Variants in MAGI1 observed in about 807,000 individuals in gnomAD.
The protein encoded by MAGI1 is membrane associated guanylate kinase, WW and PDZ domain containing 1, also known as membrane-associated guanylate kinase, WW and PDZ domain-containing protein 1.
A neutral mutation model predicts 139.9 loss-of-function variants in MAGI1; 58 were observed. The ratio of observed to expected loss-of-function variants is 0.41; its 90% CI spans 0.34 to 0.52. The LOEUF (loss-of-function observed/expected upper bound fraction) is 0.52. Among genes scored for constraint, MAGI1 ranks in the 20% least tolerant of loss-of-function variants. The probability of loss-of-function intolerance (pLI) is 0.12; values close to 1 mark genes in which losing one functional copy is unlikely to be tolerated. For synonymous variants in MAGI1, 812 were observed against 737.9 expected (o/e 1.10, Z -1.63); for missense variants, 1,874 against 1,901.6 (o/e 0.99, Z 0.27).
At chr3:65,612,447 T>C (rs1281999094) in intron 2 of MAGI1, among the ~76,000 whole-genome samples, 1 of 152,294 alleles carries the variant, frequency 6.6e-6, no homozygotes, top group African/African-American at 2.4e-5. Flanking sequence ...TACCCCTAAA[T>C]ACATTAGCAT....
At chr3:65,753,212 G>A (rs1012906260) in intron 1 of MAGI1, among the ~76,000 whole-genome samples, 2 of 152,102 alleles carry the variant, frequency 1.3e-5, no homozygotes, top group African/African-American at 4.8e-5. Context: ...CCACAGGGAT[G>A]CATTGCAAAT....
intron 1 of MAGI1, among the ~76,000 whole-genome samples, chr3:65,753,489 G>A (rs147616715): frequency 0.023 from 3,437 of 152,204 alleles, 144 homozygotes; most frequent in African/African-American, 0.079. Flanking sequence ...GGGAGGCCGA[G>A]GCGGGAGGAT....
chr3:65,917,465 G>T (rs1340120773), intron 1 of MAGI1, among the ~76,000 whole-genome samples: 4 of 152,142 alleles, frequency 2.6e-5, no homozygotes, highest in African/African-American at 9.7e-5. Flanking sequence ...TTCAGCAAAG[G>T]AGTTGAAAAC....
At chr3:65,554,700 C>T (rs568761111) in intron 2 of MAGI1, among the ~76,000 whole-genome samples, 16 of 152,228 alleles carry the variant, frequency 1.1e-4, no homozygotes, top group Admixed American at 2.0e-4. Context: ...AAAGGTCCCA[C>T]TTCCTTCATG....
chr3:65,749,350 C>A (rs1268801482), intron 1 of MAGI1, among the ~76,000 whole-genome samples: 1 of 152,146 alleles, frequency 6.6e-6, no homozygotes, highest in African/African-American at 2.4e-5. Context: ...TGACCAAAAT[C>A]AGTTGCAAAA....
chr3:65,442,679 T>G, intron 8 of MAGI1, 113 bp downstream of exon 8: 1 of 667,122 alleles, frequency 1.5e-6, no homozygotes, highest in Admixed American at 2.5e-5. Context: ...CATCATAAAA[T>G]TAATATTGTT....
At chr3:65,393,541 T>C (rs1027452035) in intron 13 of MAGI1, among the ~76,000 whole-genome samples, 15 of 152,222 alleles carry the variant, frequency 9.9e-5, no homozygotes, top group African/African-American at 3.6e-4. Context: ...CTTCCTATTT[T>C]TTTACATTTT....
In MAGI1 at chr3:65,867,774, G is replaced by T. The variant is rs186234188; in HGVS notation, c.313+170222C>A. Among the ~76,000 whole-genome samples the T allele has an allele frequency of 7.1e-4, 108 of 152,116 alleles. No homozygotes were observed. The Middle Eastern group carries it at 0.01, about 14-fold the overall frequency. On this transcript the variant is annotated intron_variant, in intron 1 of 22. Transcript: ENST00000402939. ...AATCAAAAAAGGGGTGGGAGTGGGG[G>T]TATGAGTGGGCTGTACAACAAGCAC...
intron 1 of MAGI1, among the ~76,000 whole-genome samples, chr3:65,671,847 T>G (rs73129816): frequency 0.012 from 1,774 of 152,172 alleles, 21 homozygotes; most frequent in South Asian, 0.02. Flanking sequence ...AGAGAGGGTG[T>G]AATGACCAAA....
At chr3:65,715,807 A>G (rs917041709) in intron 1 of MAGI1, among the ~76,000 whole-genome samples, 45 of 152,230 alleles carry the variant, frequency 3.0e-4, no homozygotes, top group African/African-American at 9.9e-4. Context: ...ATAACCAAAA[A>G]TTTGTGCTGC....
At chr3:65,553,368 C>T (rs2079939779) in intron 2 of MAGI1, among the ~76,000 whole-genome samples, 1 of 151,838 alleles carries the variant, frequency 6.6e-6, no homozygotes, top group Non-Finnish European at 1.5e-5. Context: ...TAAGTGTAAA[C>T]AGTATTGCCC....
chr3:65,493,474 G>A (rs1410541374), intron 3 of MAGI1, 38 bp downstream of exon 3: 1 of 1,613,788 alleles, frequency 6.2e-7, no homozygotes, highest in Admixed American at 1.7e-5. Context: ...CAAGTACCCA[G>A]GAGAGAAGCT....
chr3:65,935,888 G>A (rs2063027651), intron 1 of MAGI1, among the ~76,000 whole-genome samples: 1 of 152,226 alleles, frequency 6.6e-6, no homozygotes, highest in South Asian at 2.1e-4. Flanking sequence ...ACCAAGGCCA[G>A]AGACATGTGA....
chr3:65,359,266 C>T (rs1164109426), intron 22 of MAGI1: 1 of 1,525,592 alleles, frequency 6.6e-7, no homozygotes, highest in Admixed American at 2.1e-5. Context: ...AAAAAATCTA[C>T]ATTTGTTAAC....
intron 12 of MAGI1, among the ~76,000 whole-genome samples, chr3:65,415,992 T>C (rs1209841961): frequency 6.6e-6 from 1 of 152,230 alleles, no homozygotes. Context: ...TGCAATCATC[T>C]GCCATTTTGG....
intron 4 of MAGI1, among the ~76,000 whole-genome samples, 160 bp from the exon 5 acceptor site, chr3:65,470,644 A>G (rs1950504917): frequency 6.6e-6 from 1 of 152,140 alleles, no homozygotes; most frequent in South Asian, 2.1e-4. Flanking sequence ...TATTACTTCG[A>G]TTTCATTTAG....
chr3:65,822,883 A>G (rs1376218869), intron 1 of MAGI1, among the ~76,000 whole-genome samples: 3 of 151,982 alleles, frequency 2.0e-5, no homozygotes, highest in Non-Finnish European at 4.4e-5. Flanking sequence ...TGATCCAATC[A>G]CTCCCACAAG....
At chr3:65,908,304 AT>A (rs879566234) in intron 1 of MAGI1, among the ~76,000 whole-genome samples, 147 of 146,364 alleles carry the variant, frequency 1.0e-3, no homozygotes, top group East Asian at 1.2e-3. Flanking sequence ...ATAATCCTTA[AT>A]TTTTTTTTTT....
chr3:66,037,911 G>T, intron 1 of MAGI1, 85 bp downstream of exon 1: 4 of 1,508,722 alleles, frequency 2.7e-6, no homozygotes, highest in Non-Finnish European at 3.5e-6. Flanking sequence ...CTCCGAGGAG[G>T]GAAGCAGGAA....
Sources: gnomAD v4.1 joint callset for allele counts (sites outside exome capture counted in the v4.1 genomes callset) on GRCh38, gnomAD v4.1.1 for gene constraint, MANE v1.5 for transcripts, NCBI Gene and HGNC (gene_info 2026-07-23, HGNC 2026-07-21) for gene names.